SYNE2: variants seen among roughly 807,000 people sequenced by gnomAD.
The protein encoded by SYNE2 is spectrin repeat containing nuclear envelope protein 2.
SYNE2 carries 431 observed loss-of-function variants against 856.3 expected under a neutral mutation model. That is an observed-to-expected ratio of 0.50 (90% CI 0.47 to 0.55). SYNE2 has a LOEUF of 0.55. Among genes scored for constraint, SYNE2 ranks in the 20% least tolerant of loss-of-function variants. The pLI, the probability that SYNE2 is intolerant of heterozygous loss-of-function variation, is 0.00. For missense variants in SYNE2, 8,129 were observed against 8,023.2 expected, an observed-to-expected ratio of 1.01 and a Z score of -0.50; for synonymous variants, 2,923 against 2,872.3, an observed-to-expected ratio of 1.02 and a Z score of -0.56.
chr14:63,981,962 T>TA (rs1326258949), intron 16 of SYNE2, among the ~76,000 whole-genome samples: 37 of 152,300 alleles, frequency 2.4e-4, no homozygotes, highest in African/African-American at 8.9e-4. Flanking sequence ...AGTCTTTCTG[T>TA]CTTTAAAGAT....
At chr14:64,108,366 G>GTA (rs58876371) in intron 65 of SYNE2, among the ~76,000 whole-genome samples, 7,034 of 150,176 alleles carry the variant, frequency 0.047, 305 homozygotes, top group East Asian at 0.26. Context: ...TTAAAAAAAT[G>GTA]TATATATATA....
At chr14:63,994,493 A>G (rs1230443546) in intron 22 of SYNE2, among the ~76,000 whole-genome samples, 1 of 152,222 alleles carries the variant, frequency 6.6e-6, no homozygotes, top group Non-Finnish European at 1.5e-5. Context: ...TACTGTAAAG[A>G]TGGTGCAGAG....
At chr14:64,041,092 C>G (rs2097145001) in intron 45 of SYNE2, among the ~76,000 whole-genome samples, 1 of 152,096 alleles carries the variant, frequency 6.6e-6, no homozygotes, top group African/African-American at 2.4e-5. Flanking sequence ...AAATAGCTGT[C>G]AACCTAGCTG....
At chr14:64,167,148 T>G in intron 90 of SYNE2, 85 bp from the exon 91 acceptor site, 1 of 1,583,106 alleles carries the variant, frequency 6.3e-7, no homozygotes, top group Non-Finnish European at 8.6e-7. Flanking sequence ...CCAGTTTTCC[T>G]TTATCTTTGA....
Position 64,146,355 on chromosome 14 carries a change from T to C in SYNE2, c.15639+132T>C. ...TCCCCTCTATTTACTTATTTTCTTA[T>C]GTCAATTAGATAATGACCCATGGGT... On this transcript the variant is annotated intron_variant, in intron 84 of 115. Coordinates refer to ENST00000555002, the MANE Select transcript of SYNE2 (RefSeq NM_182914.3). 9 of 836,190 alleles carry C rather than the reference T, an allele frequency of 1.1e-5. 1 individual carries two copies. The highest frequency in any genetic ancestry group is 1.6e-5 in the Non-Finnish European group (9 of 575,402). The allele number at this position is 836,190 out of a possible 1,614,324, so 51.8% of individuals were successfully genotyped here.
intron 96 of SYNE2, among the ~76,000 whole-genome samples, chr14:64,182,329 GT>G (rs1567568982): frequency 1.3e-5 from 2 of 151,998 alleles, no homozygotes; most frequent in Non-Finnish European, 2.9e-5. Flanking sequence ...CTCTTTGACA[GT>G]TTGGTTGCAA....
chr14:64,208,614 GT>G, intron 100 of SYNE2, 143 bp from the exon 101 acceptor site: 1 of 805,620 alleles, frequency 1.2e-6, no homozygotes, highest in Non-Finnish European at 2.1e-6. Flanking sequence ...GATTCCATGT[GT>G]ACTGCCAAGT....
chr14:63,987,209 T>C (rs2096633163), intron 19 of SYNE2, among the ~76,000 whole-genome samples: 1 of 151,858 alleles, frequency 6.6e-6, no homozygotes. Flanking sequence ...TGAGCCGAGA[T>C]TGCACCACCG....
chr14:63,783,917 T>C (rs1464298121), intron 1 of SYNE2, among the ~76,000 whole-genome samples: 4 of 152,216 alleles, frequency 2.6e-5, no homozygotes, highest in African/African-American at 9.6e-5. Context: ...AACTTTCTGA[T>C]TTAGGTCATT....
intron 2 of SYNE2, among the ~76,000 whole-genome samples, chr14:63,922,691 C>A (rs976701784): frequency 6.6e-6 from 1 of 152,146 alleles, no homozygotes; most frequent in African/African-American, 2.4e-5. Flanking sequence ...TTTATCATTT[C>A]ATCGCTATTT....
At chr14:64,177,893 A>G (rs1250892746) in intron 96 of SYNE2, among the ~76,000 whole-genome samples, 1 of 152,252 alleles carries the variant, frequency 6.6e-6, no homozygotes, top group African/African-American at 2.4e-5. Context: ...AGTTTGCTCC[A>G]GTATAGCATT....
Position 64,031,172 on chromosome 14 carries a change from C to T in SYNE2, c.7036C>T (p.Leu2346Phe). 1.2e-6 allele frequency: 2 copies of T among 1,614,126 alleles called. No homozygotes were observed. Among genetic ancestry groups the T allele is most frequent in the South Asian group, 1.1e-5 (1 of 91,082 alleles). The change falls in exon 45 of 116, where the codon CTT becomes TTT. Residue 2346 changes from leucine (L) to phenylalanine (F), a missense_variant. Transcript: ENST00000555002. ...QCKQKDLENR[L>F]ASAKQEMECC... ...TAAACAAAAAGATTTGGAAAACAGG[C>T]TTGCATCTGCTAAGCAGGAGATGGA...
intron 1 of SYNE2, among the ~76,000 whole-genome samples, chr14:63,804,143 A>G (rs562009796): frequency 3.9e-5 from 6 of 152,296 alleles, no homozygotes; most frequent in African/African-American, 1.4e-4. Context: ...TCTTTTCTTC[A>G]TAAATTACCC....
intron 1 of SYNE2, among the ~76,000 whole-genome samples, chr14:63,844,829 G>T (rs1392503406): frequency 1.3e-5 from 2 of 152,100 alleles, no homozygotes; most frequent in Non-Finnish European, 2.9e-5. Context: ...AGAATCTCTT[G>T]AGGCTGGGAG....
chr14:63,785,802 A>T, intron 1 of SYNE2, among the ~76,000 whole-genome samples: 1 of 152,168 alleles, frequency 6.6e-6, no homozygotes, highest in Non-Finnish European at 1.5e-5. Flanking sequence ...AAGTGATTTA[A>T]CAAGTTTTGT....
At chr14:63,797,502 G>T (rs1887965431) in intron 1 of SYNE2, among the ~76,000 whole-genome samples, 1 of 151,686 alleles carries the variant, frequency 6.6e-6, no homozygotes, top group Non-Finnish European at 1.5e-5. Context: ...TATAAAAACA[G>T]ATGCAACCTG....
chr14:64,010,851 C>T (rs960939793), intron 32 of SYNE2, among the ~76,000 whole-genome samples: 2 of 152,180 alleles, frequency 1.3e-5, no homozygotes, highest in Non-Finnish European at 2.9e-5. Context: ...GTTGGCCAGG[C>T]TGGTCTCAAA....
At chr14:64,136,947 A>G (rs1438605758) in intron 78 of SYNE2, among the ~76,000 whole-genome samples, 3 of 152,176 alleles carry the variant, frequency 2.0e-5, no homozygotes, top group African/African-American at 7.2e-5. Context: ...AGGCTCTCCT[A>G]GAGCCAGCAG....
intron 100 of SYNE2, among the ~76,000 whole-genome samples, chr14:64,205,420 C>T (rs1331838288): frequency 6.6e-6 from 1 of 152,160 alleles, no homozygotes; most frequent in Non-Finnish European, 1.5e-5. Flanking sequence ...TACCTAGTGA[C>T]CATTTTTGGT....
Sources: gnomAD v4.1 joint callset for allele counts (sites outside exome capture counted in the v4.1 genomes callset) on GRCh38, gnomAD v4.1.1 for gene constraint, MANE v1.5 for transcripts, NCBI Gene and HGNC (gene_info 2026-07-23, HGNC 2026-07-21) for gene names.